Variants in PLXNA4 observed in about 807,000 individuals in gnomAD.
The protein encoded by PLXNA4 is plexin-A4.
PLXNA4 carries 44 observed loss-of-function variants against 191.8 expected under a neutral mutation model. The ratio of observed to expected loss-of-function variants is 0.23; its 90% CI spans 0.18 to 0.29. The LOEUF (loss-of-function observed/expected upper bound fraction) is 0.29, where lower values mean the gene tolerates loss of function less well. PLXNA4 is among the 10% of genes least tolerant of loss of function. The probability of loss-of-function intolerance (pLI) is 1.00; values close to 1 mark genes in which losing one functional copy is unlikely to be tolerated. For synonymous variants in PLXNA4, 1,082 were observed against 1,009.5 expected (o/e 1.07, Z -1.36); for missense variants, 1,800 against 2,488.8 (o/e 0.72, Z 5.89).
At chr7:132,647,937 TTACA>T (rs371900288) in intron 1 of PLXNA4, among the ~76,000 whole-genome samples, 2 of 151,126 alleles carry the variant, frequency 1.3e-5, no homozygotes, top group South Asian at 4.2e-4. Flanking sequence ...ACTCATACAC[TTACA>T]TACACATTCA....
intron 4 of PLXNA4, among the ~76,000 whole-genome samples, chr7:132,279,832 A>G (rs1157622318): frequency 6.6e-6 from 1 of 152,140 alleles, no homozygotes; most frequent in East Asian, 1.9e-4. Flanking sequence ...GTGGACGGAG[A>G]GATGATGACA....
chr7:132,593,634 G>T (rs115600577), intron 2 of PLXNA4, among the ~76,000 whole-genome samples: 1 of 152,176 alleles, frequency 6.6e-6, no homozygotes, highest in Non-Finnish European at 1.5e-5. Context: ...CCTCCACGTC[G>T]TGCCATCACT....
intron 24 of PLXNA4, among the ~76,000 whole-genome samples, chr7:132,160,821 A>C (rs1468547450): frequency 1.3e-5 from 2 of 152,146 alleles, no homozygotes; most frequent in East Asian, 1.9e-4. Flanking sequence ...TTCTTGCTGC[A>C]TGTGGTGGCA....
At chr7:132,166,181 G>A (rs771126212) in intron 22 of PLXNA4, among the ~76,000 whole-genome samples, 11 of 151,726 alleles carry the variant, frequency 7.2e-5, no homozygotes, top group Non-Finnish European at 1.3e-4. Context: ...TGGCGACAGA[G>A]TGAGACTCCG....
At chr7:132,633,307 G>A (rs1051823513) in intron 2 of PLXNA4, among the ~76,000 whole-genome samples, 5 of 149,082 alleles carry the variant, frequency 3.4e-5, no homozygotes, top group Non-Finnish European at 7.4e-5. Flanking sequence ...TTTTTAAGAC[G>A]GAGTCTCACT....
chr7:132,347,004 C>A (rs1256902534), intron 3 of PLXNA4, among the ~76,000 whole-genome samples: 2 of 152,170 alleles, frequency 1.3e-5, no homozygotes, highest in African/African-American at 2.4e-5. Context: ...CTAAGCTTGG[C>A]AAAGATGATA....
intron 4 of PLXNA4, among the ~76,000 whole-genome samples, chr7:132,242,484 T>G (rs1015826720): frequency 4.6e-5 from 7 of 152,206 alleles, no homozygotes; most frequent in Non-Finnish European, 1.0e-4. Context: ...TCTCCAACTC[T>G]CTTTTGGAAT....
At chr7:132,395,136 T>C (rs1793704060) in intron 3 of PLXNA4, among the ~76,000 whole-genome samples, 1 of 152,134 alleles carries the variant, frequency 6.6e-6, no homozygotes. Flanking sequence ...TTTTCACACC[T>C]GGAAATAATG....
rs1480571706 is a variant in PLXNA4, at chr7:132,259,469, A to T, written c.1504-18303T>A. ...AAAAAAAAAAAAAAAAAAAAAAAAA[A>T]AAAAGAAAAAAGGAAAAAAGAAAAG... On this transcript the variant is annotated intron_variant, in intron 4 of 31. Coordinates refer to ENST00000321063, the MANE Select transcript of PLXNA4 (RefSeq NM_020911.2). Among the ~76,000 whole-genome samples the T allele has an allele frequency of 4.4e-5, 6 of 136,756 alleles. 1 individual carries two copies. The highest frequency in any genetic ancestry group is 3.6e-3 in the Middle Eastern group (1 of 278). The allele number at this position is 136,756 out of a possible 152,430, so 89.7% of individuals were successfully genotyped here. A position where few individuals can be genotyped will look rare whatever the true frequency, so the allele number is the denominator to read the frequency against.
chr7:132,341,761 C>CTAGTA, intron 3 of PLXNA4, among the ~76,000 whole-genome samples: 1 of 152,278 alleles, frequency 6.6e-6, no homozygotes, highest in Admixed American at 6.5e-5. Flanking sequence ...GGGTTGAGTT[C>CTAGTA]TTTCTCTAGA....
chr7:132,303,442 G>A (rs191923486), intron 3 of PLXNA4, among the ~76,000 whole-genome samples: 4,290 of 151,920 alleles, frequency 0.028, 74 homozygotes, highest in Middle Eastern at 0.048. Context: ...GGCGGTGGGC[G>A]CCTGTAGTCC....
chr7:132,358,685 A>AT (rs1803809561), intron 3 of PLXNA4, among the ~76,000 whole-genome samples: 1 of 152,246 alleles, frequency 6.6e-6, no homozygotes, highest in Non-Finnish European at 1.5e-5. Context: ...GAATAAAGGG[A>AT]TAAAAACAAG....
At chr7:132,370,478 A>T (rs1804392084) in intron 3 of PLXNA4, among the ~76,000 whole-genome samples, 1 of 152,140 alleles carries the variant, frequency 6.6e-6, no homozygotes, top group African/African-American at 2.4e-5. Flanking sequence ...TAGAATTCTT[A>T]ATGCTGGCAA....
chr7:132,536,551 A>G (rs902751366), intron 1 of PLXNA4, among the ~76,000 whole-genome samples: 1 of 152,210 alleles, frequency 6.6e-6, no homozygotes, highest in Non-Finnish European at 1.5e-5. Context: ...TGGCACCGCC[A>G]AGCTTCTCCT....
intron 4 of PLXNA4, among the ~76,000 whole-genome samples, chr7:132,294,014 AAAAC>A (rs1782395784): frequency 6.6e-6 from 1 of 152,244 alleles, no homozygotes; most frequent in South Asian, 2.1e-4. Context: ...AAGAGACTAA[AAAAC>A]AAAAAATCAT....
intron 25 of PLXNA4, among the ~76,000 whole-genome samples, chr7:132,156,868 G>A (rs1160724738): frequency 6.6e-6 from 1 of 152,152 alleles, no homozygotes; most frequent in East Asian, 1.9e-4. Context: ...ATCTAGCTTT[G>A]GTAAGAAGAA....
rs148063920 is a variant in PLXNA4, at chr7:132,170,813, G to T, written c.4018-2241C>A. On this transcript the variant is annotated intron_variant, in intron 21 of 31. Transcript: ENST00000321063. ...TATGGGTCTGGAAGCTGTAGGAAAC[G>T]TGTGTGTTTCCAAATCAGGTCCATT... is the stretch of plus-strand genomic sequence containing the variant. 2.0e-5 allele frequency among the ~76,000 whole-genome samples: 3 copies of T among 152,340 alleles called. No individual in the cohort carries two copies. In the East Asian group the frequency reaches 5.8e-4, roughly 29 times the overall value.
chr7:132,260,731 A>G (rs1799611396), intron 4 of PLXNA4, among the ~76,000 whole-genome samples: 2 of 151,794 alleles, frequency 1.3e-5, no homozygotes, highest in Non-Finnish European at 2.9e-5. Flanking sequence ...GTGGGAGTGG[A>G]GAGGGATGAA....
intron 1 of PLXNA4, among the ~76,000 whole-genome samples, chr7:132,512,173 C>T (rs193246174): frequency 3.7e-4 from 57 of 152,304 alleles, no homozygotes; most frequent in African/African-American, 1.2e-3. Flanking sequence ...AGGTGCAGGT[C>T]GGGGCTCCGC....
Sources: gnomAD v4.1 joint callset for allele counts (sites outside exome capture counted in the v4.1 genomes callset) on GRCh38, gnomAD v4.1.1 for gene constraint, MANE v1.5 for transcripts, NCBI Gene and HGNC (gene_info 2026-07-23, HGNC 2026-07-21) for gene names.